UNC5D: variants seen among roughly 807,000 people sequenced by gnomAD.
The protein encoded by UNC5D is netrin receptor UNC5D.
UNC5D carries 39 observed loss-of-function variants against 105.4 expected under a neutral mutation model. That is an observed-to-expected ratio of 0.37 (90% CI 0.29 to 0.48). The LOEUF is 0.48. UNC5D is among the 20% of genes least tolerant of loss of function. UNC5D has a pLI of 0.98. For missense variants in UNC5D, 991 were observed against 1,202.4 expected (o/e 0.82, Z 2.60); for synonymous variants, 452 against 450.4 (o/e 1.00, Z -0.04).
chr8:35,247,005 G>T (rs560823440), intron 1 of UNC5D, among the ~76,000 whole-genome samples: 3 of 152,014 alleles, frequency 2.0e-5, no homozygotes, highest in African/African-American at 7.2e-5. Context: ...GAGAAAAAAA[G>T]GTGTTGAGGA....
intron 1 of UNC5D, among the ~76,000 whole-genome samples, chr8:35,483,272 G>A (rs1002573310): frequency 9.2e-5 from 14 of 152,252 alleles, no homozygotes; most frequent in Middle Eastern, 3.4e-3. Flanking sequence ...ATTAGATTCT[G>A]AAAAACTCTT....
At chr8:35,717,959 C>T (rs897392082) in intron 8 of UNC5D, among the ~76,000 whole-genome samples, 1 of 152,186 alleles carries the variant, frequency 6.6e-6, no homozygotes, top group Admixed American at 6.5e-5. Flanking sequence ...TTCCAGCTCT[C>T]GATTAATCTT....
intron 7 of UNC5D, among the ~76,000 whole-genome samples, chr8:35,691,638 AATG>A (rs1353755302): frequency 6.6e-6 from 1 of 152,178 alleles, no homozygotes; most frequent in Admixed American, 6.5e-5. Context: ...GGAAAAAGGT[AATG>A]ATGTGGTATG....
At chr8:35,330,372 C>T (rs958931063) in intron 1 of UNC5D, among the ~76,000 whole-genome samples, 2 of 152,214 alleles carry the variant, frequency 1.3e-5, no homozygotes, top group Non-Finnish European at 1.5e-5. Flanking sequence ...CCTTTCCAGA[C>T]TCCATTTTCT....
intron 1 of UNC5D, among the ~76,000 whole-genome samples, chr8:35,441,647 A>T (rs555504337): frequency 6.6e-6 from 1 of 151,832 alleles, no homozygotes; most frequent in Non-Finnish European, 1.5e-5. Flanking sequence ...TTTCAAAGTG[A>T]TTCCTAACAA....
intron 1 of UNC5D, among the ~76,000 whole-genome samples, chr8:35,253,605 G>A (rs952164452): frequency 2.0e-5 from 3 of 148,420 alleles, no homozygotes; most frequent in Non-Finnish European, 3.0e-5. Flanking sequence ...TCCTGCCTCC[G>A]CCTCCCGAGT....
In UNC5D at chr8:35,791,614, A is replaced by T. The variant is rs1408273102; in HGVS notation, c.*1051A>T. 5.3e-5 allele frequency: 8 copies of T among 152,218 alleles called. No homozygotes were observed. Among genetic ancestry groups the T allele is most frequent in the Non-Finnish European group, 1.2e-4 (8 of 68,042 alleles). The allele number at this position is 152,218 out of a possible 1,614,324, so 9.4% of individuals were successfully genotyped here. A position where few individuals can be genotyped will look rare whatever the true frequency, so the allele number is the denominator to read the frequency against. ...GTACTGTGTCATCACAAAATCTCTC[A>T]GTAAGGCTATATGTGATCCTCATTT... On this transcript the variant is annotated 3_prime_UTR_variant, in exon 17 of 17. Coordinates refer to ENST00000404895, the MANE Select transcript of UNC5D (RefSeq NM_080872.4).
At chr8:35,344,624 T>C (rs1811676005) in intron 1 of UNC5D, among the ~76,000 whole-genome samples, 1 of 150,378 alleles carries the variant, frequency 6.6e-6, no homozygotes, top group Non-Finnish European at 1.5e-5. Context: ...ATTTTCTAAA[T>C]CAAAGCAATC....
chr8:35,673,991 G>A (rs568459673), intron 4 of UNC5D, among the ~76,000 whole-genome samples: 5 of 152,306 alleles, frequency 3.3e-5, no homozygotes, highest in South Asian at 2.1e-4. Context: ...TGACCTATCC[G>A]TGGACAGTTA....
chr8:35,748,083 C>T (rs544010480), intron 11 of UNC5D, among the ~76,000 whole-genome samples: 1 of 152,164 alleles, frequency 6.6e-6, no homozygotes, highest in Non-Finnish European at 1.5e-5. Context: ...TTATCATTTA[C>T]CAGCATTAAG....
At chr8:35,352,790 T>G (rs1812330933) in intron 1 of UNC5D, among the ~76,000 whole-genome samples, 2 of 152,182 alleles carry the variant, frequency 1.3e-5, no homozygotes, top group South Asian at 4.2e-4. Flanking sequence ...TTTTTGTATT[T>G]TTAGTAGAGA....
intron 1 of UNC5D, among the ~76,000 whole-genome samples, chr8:35,345,061 A>G (rs1427304006): frequency 1.3e-5 from 2 of 152,050 alleles, no homozygotes; most frequent in Non-Finnish European, 2.9e-5. Flanking sequence ...ATTACATTTA[A>G]TGTTTCAAAT....
intron 1 of UNC5D, among the ~76,000 whole-genome samples, chr8:35,250,517 T>C (rs976743178): frequency 2.6e-5 from 4 of 152,056 alleles, no homozygotes; most frequent in African/African-American, 7.2e-5. Flanking sequence ...TTTTTTGAGA[T>C]GGAGTCTCGC....
chr8:35,736,129 C>T (rs971193427), intron 11 of UNC5D, among the ~76,000 whole-genome samples: 6 of 152,044 alleles, frequency 3.9e-5, no homozygotes, highest in African/African-American at 1.4e-4. Flanking sequence ...GGTAACACAC[C>T]CCCTCCTTCT....
intron 1 of UNC5D, among the ~76,000 whole-genome samples, chr8:35,339,062 G>T (rs1811263464): frequency 6.6e-6 from 1 of 152,238 alleles, no homozygotes; most frequent in Middle Eastern, 3.4e-3. Flanking sequence ...GAAAAGAAAA[G>T]AAAGAGAACT....
At chr8:35,636,598 C>T (rs938109792) in intron 4 of UNC5D, among the ~76,000 whole-genome samples, 1 of 152,134 alleles carries the variant, frequency 6.6e-6, no homozygotes, top group Non-Finnish European at 1.5e-5. Context: ...TACAGACTGC[C>T]TCACAGAGCA....
At chr8:35,576,875 A>C (rs1266310654) in intron 3 of UNC5D, among the ~76,000 whole-genome samples, 2 of 152,124 alleles carry the variant, frequency 1.3e-5, no homozygotes, top group Non-Finnish European at 2.9e-5. Context: ...GGCCTCCCAA[A>C]GTGCTAGGAT....
chr8:35,551,851 A>G (rs1266954560), intron 2 of UNC5D, among the ~76,000 whole-genome samples: 1 of 152,042 alleles, frequency 6.6e-6, no homozygotes, highest in African/African-American at 2.4e-5. Flanking sequence ...GGAAAAGAAA[A>G]AAGAAGTTAC....
Position 35,650,116 on chromosome 8 carries a change from C to CA in UNC5D, c.571-33425dup, listed in dbSNP as rs372021148. The stretch of plus-strand genomic sequence containing the variant: ...AAAATAAAAATGTGTATTGAAACTA[C>CA]AAAAAACAAACAAAAAACAAAAAAC... On this transcript the variant is annotated intron_variant, in intron 4 of 16. Transcript: ENST00000404895. 7.2e-3 allele frequency among the ~76,000 whole-genome samples: 1,095 copies of CA among 151,938 alleles called. 22 individuals are homozygous for CA. Among genetic ancestry groups the CA allele is most frequent in the African/African-American group, 0.024 (1,007 of 41,412 alleles).
Sources: gnomAD v4.1 joint callset for allele counts (sites outside exome capture counted in the v4.1 genomes callset) on GRCh38, gnomAD v4.1.1 for gene constraint, MANE v1.5 for transcripts, NCBI Gene and HGNC (gene_info 2026-07-23, HGNC 2026-07-21) for gene names.